DDR2: variants seen among roughly 807,000 people sequenced by gnomAD.
The protein encoded by DDR2 is discoidin domain receptor tyrosine kinase 2.
Under a neutral mutation model 94.9 loss-of-function variants are expected in DDR2, and 27 were observed. That is an observed-to-expected ratio of 0.28 (90% confidence interval 0.21 to 0.39). DDR2 has a LOEUF of 0.39. Among genes scored for constraint, DDR2 ranks in the 10% least tolerant of loss-of-function variants. The pLI is 1.00. For synonymous variants in DDR2, 382 were observed against 377.2 expected (o/e 1.01, Z -0.15); for missense variants, 783 against 1,076.0 (o/e 0.73, Z 3.81).
Position 162,718,997 on chromosome 1 carries a change from CCTT to C in DDR2, c.-27-37_-27-35del, listed in dbSNP as rs1661291991. ...AGTATCTGCCTCACTCATTTCCTCT[CCTT>C]CTCTTTCTGTTTTCTTGCATTATTG... On this transcript the variant is annotated intron_variant, in intron 2 of 17. Transcript: ENST00000367921. 6.9e-6 allele frequency: 11 copies of C among 1,594,254 alleles called. No homozygotes were observed. The South Asian group carries it at 8.8e-5, about 13-fold the overall frequency.
chr1:162,702,922 T>A (rs1660492797), intron 2 of DDR2, among the ~76,000 whole-genome samples: 1 of 152,234 alleles, frequency 6.6e-6, no homozygotes, highest in South Asian at 2.1e-4. Context: ...ACTCTCTCTC[T>A]CTCTCTGTGT....
At chr1:162,719,699 A>G (rs1238665751) in intron 3 of DDR2, among the ~76,000 whole-genome samples, 1 of 152,192 alleles carries the variant, frequency 6.6e-6, no homozygotes, top group East Asian at 1.9e-4. Context: ...TAAAGTTTAA[A>G]TGGAAGTAAA....
In DDR2 at chr1:162,749,678, C is replaced by T. The variant is rs116614939; in HGVS notation, c.83-3417C>T. Among the ~76,000 whole-genome samples the T allele has an allele frequency of 4.8e-3, 734 of 152,280 alleles. 2 individuals are homozygous for T. Among genetic ancestry groups the T allele is most frequent in the African/African-American group, 0.017 (697 of 41,556 alleles). Reference sequence around the variant, plus strand: ...TTATAAGGCCAGCATCATCCTGAAACCAAAGACTAGCAGAGACACAACAAC... The same window carrying T: ...TTATAAGGCCAGCATCATCCTGAAATCAAAGACTAGCAGAGACACAACAAC... On this transcript the variant is annotated intron_variant, in intron 3 of 17. Coordinates refer to ENST00000367921, the MANE Select transcript of DDR2 (RefSeq NM_006182.4).
At chr1:162,669,733 T>G (rs547717102) in intron 2 of DDR2, among the ~76,000 whole-genome samples, 1 of 152,376 alleles carries the variant, frequency 6.6e-6, no homozygotes, top group Non-Finnish European at 1.5e-5. Context: ...ATGAATACAG[T>G]AATTCTTCCT....
intron 3 of DDR2, among the ~76,000 whole-genome samples, chr1:162,747,972 G>T (rs1214577658): frequency 6.6e-6 from 1 of 152,110 alleles, no homozygotes; most frequent in African/African-American, 2.4e-5. Flanking sequence ...TCACCACCAG[G>T]CCTGCCCTAC....
intron 2 of DDR2, among the ~76,000 whole-genome samples, chr1:162,712,662 C>T (rs957798209): frequency 1.3e-5 from 2 of 152,080 alleles, no homozygotes; most frequent in Non-Finnish European, 2.9e-5. Context: ...GTCCATCCAG[C>T]TTGGCTAGGG....
chr1:162,723,204 C>T (rs970473675), intron 3 of DDR2, among the ~76,000 whole-genome samples: 18 of 152,084 alleles, frequency 1.2e-4, no homozygotes, highest in Admixed American at 2.6e-4. Flanking sequence ...GAAGATATAG[C>T]GTATGCAATG....
rs999315348 is a variant in DDR2 at position 162,781,598 on chromosome 1, C to T, written c.*1352C>T. The T allele has an allele frequency of 4.6e-5, 7 of 152,134 alleles. No individual in the cohort carries two copies. Among genetic ancestry groups the T allele is most frequent in the African/African-American group, 1.7e-4 (7 of 41,424 alleles). The allele number at this position is 152,134 out of a possible 1,614,324, so 9.4% of individuals were successfully genotyped here. On this transcript the variant is annotated 3_prime_UTR_variant, in exon 18 of 18. Transcript: ENST00000367921. ...CCGAGAGTCCTTGATTCTGGAGAGGCACAGGATGAACATCTGTTGCTACTG... is the reference window on the plus strand; with the variant it reads ...CCGAGAGTCCTTGATTCTGGAGAGGTACAGGATGAACATCTGTTGCTACTG...
At position 162,719,123 on chromosome 1, in the gene DDR2, T is replaced by C; in HGVS notation, c.60T>C (p.Ser20=). The change falls in exon 3 of 18, where the codon TCT becomes TCC. Residue 20 remains serine, a synonymous_variant. Transcript: ENST00000367921. ...VLFLLLPILS[S]AKAQVNPAIC... Reference sequence around the variant, plus strand: ...TCCTGCTGCTGCCTATCTTGAGTTCTGCAAAAGCTCAGGTTAATCCAGGTA... The same window carrying C: ...TCCTGCTGCTGCCTATCTTGAGTTCCGCAAAAGCTCAGGTTAATCCAGGTA... The C allele has an allele frequency of 6.2e-7, 1 of 1,613,854 alleles. No homozygotes were observed. The highest frequency in any genetic ancestry group is 8.5e-7 in the Non-Finnish European group (1 of 1,179,798).
intron 2 of DDR2, among the ~76,000 whole-genome samples, chr1:162,658,257 C>G (rs111591483): frequency 0.028 from 4,186 of 152,098 alleles, 191 homozygotes; most frequent in African/African-American, 0.095. Flanking sequence ...GCAGGCTGGG[C>G]CATTGGAGGT....
Position 162,778,676 on chromosome 1 carries a change from G to A in DDR2, c.2380G>A (p.Asp794Asn), listed in dbSNP as rs1571328046. Residue 794 changes from aspartate to asparagine, a missense_variant, in exon 17 of 18, where the codon GAT (aspartate) becomes AAT (asparagine). By Grantham distance (23) the Asp-to-Asn change is conservative. Coordinates refer to ENST00000367921, the MANE Select transcript of DDR2 (RefSeq NM_006182.4). ...AGAACAGCCCTATTCCCAGCTGTCAGATGAACAGGTTATTGAGAATACTGG... is the reference window on the plus strand; with the variant it reads ...AGAACAGCCCTATTCCCAGCTGTCAAATGAACAGGTTATTGAGAATACTGG... ...CQEQPYSQLS[D>N]EQVIENTGEF... The A allele has an allele frequency of 6.2e-7, 1 of 1,614,002 alleles. No homozygotes were observed. Among genetic ancestry groups the A allele is most frequent in the Non-Finnish European group, 8.5e-7 (1 of 1,179,912 alleles).
chr1:162,707,020 C>T (rs1660694641), intron 2 of DDR2, among the ~76,000 whole-genome samples: 1 of 152,032 alleles, frequency 6.6e-6, no homozygotes, highest in African/African-American at 2.4e-5. Context: ...GGGGTAGGGA[C>T]CAGGAAAAGA....
At chr1:162,776,919 G>T (rs780244513) in intron 16 of DDR2, among the ~76,000 whole-genome samples, 2 of 152,014 alleles carry the variant, frequency 1.3e-5, no homozygotes, top group Non-Finnish European at 2.9e-5. Context: ...GCATACCTGA[G>T]ACTTTTTATT....
At chr1:162,744,481 T>C (rs1431013589) in intron 3 of DDR2, among the ~76,000 whole-genome samples, 1 of 152,180 alleles carries the variant, frequency 6.6e-6, no homozygotes, top group Non-Finnish European at 1.5e-5. Context: ...AATGTTAGGA[T>C]TTCTTTCTTT....
At chr1:162,689,705 A>C (rs1659870741) in intron 2 of DDR2, among the ~76,000 whole-genome samples, 1 of 151,866 alleles carries the variant, frequency 6.6e-6, no homozygotes, top group Non-Finnish European at 1.5e-5. Flanking sequence ...TACCAAGAAC[A>C]CAGAAGACAG....
intron 2 of DDR2, among the ~76,000 whole-genome samples, chr1:162,701,982 C>T (rs1261675787): frequency 6.6e-6 from 1 of 152,180 alleles, no homozygotes; most frequent in Non-Finnish European, 1.5e-5. Flanking sequence ...CTCATCACCA[C>T]TTTTCTCTTC....
chr1:162,672,817 A>G lies in DDR2; in HGVS notation c.-28+17443A>G, dbSNP rs1658935298. On this transcript the variant is annotated intron_variant, in intron 2 of 17. Coordinates refer to ENST00000367921, the MANE Select transcript of DDR2 (RefSeq NM_006182.4). ...ATTCTCATGAGGATGGACTGTGCTGACTGATCTCAGTGAAAGTTACCAGTG... is the reference window on the plus strand; with the variant it reads ...ATTCTCATGAGGATGGACTGTGCTGGCTGATCTCAGTGAAAGTTACCAGTG... Among the ~76,000 whole-genome samples the G allele has an allele frequency of 2.6e-5, 4 of 152,198 alleles. No individual in the cohort carries two copies. The South Asian group carries it at 8.3e-4, about 32-fold the overall frequency.
intron 3 of DDR2, among the ~76,000 whole-genome samples, chr1:162,723,846 T>C (rs1180134588): frequency 2.6e-5 from 4 of 152,336 alleles, no homozygotes; most frequent in Admixed American, 1.3e-4. Flanking sequence ...TTCAGAGTCC[T>C]GGGGTGGGAG....
Position 162,770,430 on chromosome 1 carries a change from C to T in DDR2, c.1422C>T (p.Ile474=). The change falls in exon 12 of 18, where the codon ATC becomes ATT. Residue 474 remains isoleucine, a synonymous_variant. Transcript: ENST00000367921. ...GGTCCAACTCGACTTACGATCGCAT[C>T]TTTCCCCTTCGCCCTGACTACCAGG... ...EQGSNSTYDR[I]FPLRPDYQEP... The T allele has an allele frequency of 6.2e-7, 1 of 1,614,146 alleles. No individual in the cohort carries two copies. Among genetic ancestry groups the T allele is most frequent in the Admixed American group, 1.7e-5 (1 of 60,008 alleles).
Sources: allele counts gnomAD v4.1 joint callset (sites outside exome capture counted in the v4.1 genomes callset), GRCh38; gene constraint gnomAD v4.1.1; transcripts MANE v1.5; gene names NCBI Gene and HGNC (gene_info 2026-07-23, HGNC 2026-07-21).